ZSCAN5C: variants seen among roughly 807,000 people sequenced by gnomAD.
ZSCAN5C encodes zinc finger and SCAN domain containing 5C.
Under a neutral mutation model 17.3 loss-of-function variants are expected in ZSCAN5C, and 11 were observed. That is an observed-to-expected ratio of 0.64 (90% CI 0.40 to 1.06). ZSCAN5C has a LOEUF of 1.06. Among genes scored for constraint, ZSCAN5C ranks in the 50% least tolerant of loss-of-function variants. The pLI is 0.00. For missense variants in ZSCAN5C, 698 were observed against 538.9 expected, an observed-to-expected ratio of 1.30 and a Z score of -2.92; for synonymous variants, 229 against 208.4, an observed-to-expected ratio of 1.10 and a Z score of -0.85.
exon 5 of ZSCAN5C, chr19:56,209,098 T>A (rs749359546): frequency 6.3e-7 from 1 of 1,586,184 alleles, no homozygotes; most frequent in Non-Finnish European, 8.6e-7. Context: ...GCATCCACTC[T>A]GGAGAGAAAC....
At chr19:56,208,850 G>A (rs757099294) in exon 5 of ZSCAN5C, 18 of 1,563,400 alleles carry the variant, frequency 1.2e-5, no homozygotes, top group Non-Finnish European at 1.2e-5. Context: ...ACACACAGGC[G>A]AGAGACTCTT....
chr19:56,206,786 G>A (rs1009811191), intron 2 of ZSCAN5C, among the ~76,000 whole-genome samples: 1 of 113,732 alleles, frequency 8.8e-6, no homozygotes, highest in East Asian at 2.5e-4. Flanking sequence ...CTCCAGGTCC[G>A]CACATGAGCC....
chr19:56,208,898 A>C (rs2032957374), exon 5 of ZSCAN5C: 3 of 1,603,080 alleles, frequency 1.9e-6, no homozygotes, highest in Admixed American at 1.7e-5. Context: ...CATGCAGCGC[A>C]TAGGCCTGCA....
chr19:56,203,048 A>G (rs568069992), intron 1 of ZSCAN5C, among the ~76,000 whole-genome samples: 31 of 151,866 alleles, frequency 2.0e-4, no homozygotes, highest in Non-Finnish European at 3.2e-4. Flanking sequence ...CCCATGTCCC[A>G]TTGCTTGTTT....
At chr19:56,205,604 G>C (rs1360374613) in intron 1 of ZSCAN5C, among the ~76,000 whole-genome samples, 183 bp from the exon 2 acceptor site, 1 of 151,874 alleles carries the variant, frequency 6.6e-6, no homozygotes, top group Non-Finnish European at 1.5e-5. Flanking sequence ...GGAGTATTCA[G>C]ATTTTACTCC....
intron 1 of ZSCAN5C, among the ~76,000 whole-genome samples, chr19:56,202,634 G>T (rs949677558): frequency 1.3e-5 from 2 of 151,842 alleles, no homozygotes. Context: ...GCCCAGACTA[G>T]ACTGGAATTC....
intron 2 of ZSCAN5C, 117 bp from the exon 3 acceptor site, chr19:56,206,942 A>G (rs2032927978): frequency 3.3e-6 from 2 of 607,882 alleles, no homozygotes; most frequent in Non-Finnish European, 5.9e-6. Flanking sequence ...CTGCATCGGG[A>G]AGGCAGATTT....
intron 1 of ZSCAN5C, among the ~76,000 whole-genome samples, chr19:56,203,545 A>C (rs2032891600): frequency 6.6e-6 from 1 of 151,644 alleles, no homozygotes; most frequent in Admixed American, 6.6e-5. Context: ...GATCTCTTCA[A>C]CTGAAATTCA....
chr19:56,208,819 G>A (rs1264763112), exon 5 of ZSCAN5C: 2 of 1,562,774 alleles, frequency 1.3e-6, no homozygotes, highest in Admixed American at 1.7e-5. Context: ...ATCGCGGCAA[G>A]TTAGCCGTCC....
At chr19:56,207,914 C>G in intron 3 of ZSCAN5C, 120 bp from the exon 4 acceptor site, 1 of 611,188 alleles carries the variant, frequency 1.6e-6, no homozygotes, top group Non-Finnish European at 2.9e-6. Flanking sequence ...GAGAACCAAA[C>G]AGTGAAAACC....
At chr19:56,208,525 T>C in exon 5 of ZSCAN5C, 1 of 1,584,290 alleles carries the variant, frequency 6.3e-7, no homozygotes, top group Non-Finnish European at 8.7e-7. Flanking sequence ...CTGACACACC[T>C]TCTGCCTGCG....
At chr19:56,207,598 ACTC>A (rs2032938311) in intron 3 of ZSCAN5C, among the ~76,000 whole-genome samples, 2 of 151,314 alleles carry the variant, frequency 1.3e-5, no homozygotes, top group Non-Finnish European at 2.9e-5. Flanking sequence ...TCAGCAGGGA[ACTC>A]ACCTCCTACA....
exon 2 of ZSCAN5C, chr19:56,205,787 A>G: frequency 1.7e-6 from 1 of 585,330 alleles, no homozygotes; most frequent in South Asian, 2.2e-5. Context: ...TTCCCTGCAG[A>G]CTTCTGAATG....
intron 1 of ZSCAN5C, among the ~76,000 whole-genome samples, chr19:56,204,704 A>G (rs1014496365): frequency 1.7e-4 from 25 of 151,218 alleles, no homozygotes; most frequent in Non-Finnish European, 3.2e-4. Context: ...CACTTGCTCA[A>G]AGTCCTTCCA....
At chr19:56,208,604 A>G (rs1306587343) in exon 5 of ZSCAN5C, 1 of 1,603,642 alleles carries the variant, frequency 6.2e-7, no homozygotes, top group Admixed American at 1.7e-5. Context: ...AGGTCTCAAA[A>G]GAAGCAAACC....
chr19:56,204,107 C>T (rs2032897594), intron 1 of ZSCAN5C, among the ~76,000 whole-genome samples: 1 of 151,792 alleles, frequency 6.6e-6, no homozygotes, highest in Non-Finnish European at 1.5e-5. Flanking sequence ...TATGACTCTA[C>T]CCATCACCCA....
chr19:56,207,253 C>T (rs763191970), exon 3 of ZSCAN5C: 2 of 776,544 alleles, frequency 2.6e-6, no homozygotes, highest in Non-Finnish European at 4.8e-6. Flanking sequence ...CTGCACTGTT[C>T]AGGAGGCAGG....
chr19:56,203,111 C>T (rs2032887938), intron 1 of ZSCAN5C, among the ~76,000 whole-genome samples: 1 of 151,810 alleles, frequency 6.6e-6, no homozygotes, highest in South Asian at 2.1e-4. Context: ...GAACATGAAC[C>T]CCTTTTTTTA....
intron 1 of ZSCAN5C, among the ~76,000 whole-genome samples, chr19:56,203,732 C>T (rs1216291868): frequency 1.3e-5 from 2 of 149,834 alleles, no homozygotes; most frequent in South Asian, 4.2e-4. Flanking sequence ...TCACCACAAC[C>T]TCTGGCTCCC....
Sources: allele counts gnomAD v4.1 joint callset (sites outside exome capture counted in the v4.1 genomes callset), GRCh38; gene constraint gnomAD v4.1.1; transcripts MANE v1.5; gene names NCBI Gene and HGNC (gene_info 2026-07-23, HGNC 2026-07-21).